Variants in TAF1D observed in about 807,000 individuals in gnomAD.
TAF1D encodes the protein TATA-box binding protein associated factor, RNA polymerase I subunit D.
TAF1D carries 23 observed loss-of-function variants against 26.2 expected under a neutral mutation model. The observed-to-expected ratio is 0.88, with a 90% CI of 0.63 to 1.25. The LOEUF (loss-of-function observed/expected upper bound fraction) is 1.25. TAF1D is among the 50% of genes most tolerant of loss of function. TAF1D has a pLI of 0.00. For synonymous variants in TAF1D, 100 were observed against 105.6 expected, an observed-to-expected ratio of 0.95 and a Z score of 0.33; for missense variants, 299 against 322.0, an observed-to-expected ratio of 0.93 and a Z score of 0.55.
At chr11:93,735,047 C>A (rs543142086), downstream of TAF1D, 11 of 1,276,128 alleles carry the variant, frequency 8.6e-6, no homozygotes, top group African/African-American at 1.5e-4. Flanking sequence ...ACCCATTGCA[C>A]CTGGCCTGGA....
At chr11:93,739,130 C>CTA in intron 2 of TAF1D, 107 bp downstream of exon 2, 1 of 838,028 alleles carries the variant, frequency 1.2e-6, no homozygotes, top group African/African-American at 1.7e-5. Context: ...TCAGTGAAAT[C>CTA]TAGTTTTCCT....
At chr11:93,733,726 C>T (rs1360520725), downstream of TAF1D, 1 of 387,906 alleles carries the variant, frequency 2.6e-6, no homozygotes, top group African/African-American at 2.1e-5. Context: ...GGCAGGATCA[C>T]ATCTCACTGT....
At position 93,735,798 on chromosome 11, in the gene TAF1D, C is replaced by G; in HGVS notation, c.*363G>C. 9.4e-7 allele frequency: 1 copy of G among 1,062,796 alleles called. No individual in the cohort carries two copies. Among genetic ancestry groups the G allele is most frequent in the Non-Finnish European group, 1.1e-6 (1 of 878,588 alleles). The allele number at this position is 1,062,796 out of a possible 1,614,324, so 65.8% of individuals were successfully genotyped here. On this transcript the variant is annotated 3_prime_UTR_variant, in exon 6 of 6. Transcript: ENST00000448108. ...AAAATTACAGCATTTCAAATCCCCT[C>G]TTCAAGATGGTTGGGTGTCAAGTTA... is the stretch of plus-strand genomic sequence containing the variant.
rs758705344 is a variant in TAF1D, at chr11:93,738,179, C to T, written c.389G>A (p.Gly130Glu). The T allele has an allele frequency of 2.3e-5, 36 of 1,578,180 alleles. No homozygotes were observed. The Admixed American group carries it at 7.1e-4, about 31-fold the overall frequency. ...TGATTCTAAAAATGGGAAGCCAGATCCTCTGCTTCTAAATTGTTTCTTCTT... is the reference window on the plus strand; with the variant it reads ...TGATTCTAAAAATGGGAAGCCAGATTCTCTGCTTCTAAATTGTTTCTTCTT... ...IDKKKQFRSR[G>E]SGFPFLESEN... is the part of the protein sequence containing the mutation. Residue 130 changes from glycine (G) to glutamate (E), a missense_variant, in exon 3 of 6, where the codon GGA (glycine) becomes GAA (glutamate). Transcript: ENST00000448108.
At chr11:93,735,523 T>A, downstream of TAF1D, 1 of 430,934 alleles carries the variant, frequency 2.3e-6, no homozygotes, top group Non-Finnish European at 3.1e-6. Context: ...AAACAAAAAC[T>A]AGCTGGGTGT....
chr11:93,736,177 CTCTG>C lies in TAF1D; in HGVS notation c.817_820del (p.Gln273GlufsTer3), dbSNP rs757163111. ...ATGATCCTGTCACATTTTCAGGCCT[CTCTG>C]TCCAGTATTTTTGGCTTTTGTAGCT... On this transcript the variant is annotated frameshift_variant, in exon 6 of 6. Transcript: ENST00000448108. LOFTEE classifies it high-confidence loss of function. The C allele has an allele frequency of 6.2e-6, 10 of 1,613,464 alleles. No individual in the cohort carries two copies. The highest frequency in any genetic ancestry group is 1.7e-5 in the Admixed American group (1 of 59,984).
chr11:93,735,271 T>C (rs1940509265), downstream of TAF1D: 5 of 1,305,130 alleles, frequency 3.8e-6, no homozygotes, highest in Non-Finnish European at 5.0e-6. Context: ...AGTAGTCAGC[T>C]CTATCGTGGT....
At chr11:93,732,290 C>A (rs765051302), downstream of TAF1D, 23 of 495,208 alleles carry the variant, frequency 4.6e-5, no homozygotes, top group Non-Finnish European at 8.4e-5. Context: ...CAATTTGACA[C>A]CCTGGAAAAA....
At chr11:93,737,319 GC>G (rs989589734) in intron 3 of TAF1D, 80 bp from the exon 4 acceptor site, 8 of 952,810 alleles carry the variant, frequency 8.4e-6, no homozygotes, top group African/African-American at 1.7e-5. Context: ...AAAGGGCAAT[GC>G]CCCCCCTTAG....
downstream of TAF1D, chr11:93,730,844 A>C: frequency 4.9e-6 from 2 of 410,548 alleles, no homozygotes; most frequent in Non-Finnish European, 4.7e-6. Context: ...GCAACCCACA[A>C]GGGTTACAAT....
At chr11:93,731,970 T>C (rs765254042), downstream of TAF1D, 1 of 500,036 alleles carries the variant, frequency 2.0e-6, no homozygotes, top group Non-Finnish European at 4.0e-6. Flanking sequence ...AAAGTCAACA[T>C]TTTTCTCCTA....
intron 1 of TAF1D, 66 bp from the exon 2 acceptor site, chr11:93,739,397 G>C (rs553161734): frequency 9.5e-6 from 10 of 1,050,764 alleles, no homozygotes; most frequent in Non-Finnish European, 1.4e-5. Context: ...CTACTACAGT[G>C]TTGAACGTGG....
At position 93,736,149 on chromosome 11, in the gene TAF1D, T is replaced by C. The variant is rs1371535847; in HGVS notation, c.*12A>G. On this transcript the variant is annotated 3_prime_UTR_variant, in exon 6 of 6. Transcript: ENST00000448108. ...TTTTCTATATGCTTCACCTTTGACA[T>C]TCATGATCCTGTCACATTTTCAGGC... 6.2e-7 allele frequency: 1 copy of C among 1,609,748 alleles called. No homozygotes were observed. Among genetic ancestry groups the C allele is most frequent in the Non-Finnish European group, 8.5e-7 (1 of 1,177,872 alleles).
chr11:93,735,790 A>AGC lies in TAF1D; in HGVS notation c.*370_*371insGC, dbSNP rs1940640560. On this transcript the variant is annotated 3_prime_UTR_variant, in exon 6 of 6. Coordinates refer to ENST00000448108, the MANE Select transcript of TAF1D (RefSeq NM_024116.4). ...GCTGGGATAAAATTACAGCATTTCA[A>AGC]ATCCCCTCTTCAAGATGGTTGGGTG... 9.5e-7 allele frequency: 1 copy of AGC among 1,054,984 alleles called. No homozygotes were observed. The highest frequency in any genetic ancestry group is 5.0e-5 in the Admixed American group (1 of 19,808). 65.4% of individuals were successfully genotyped at this position (1,054,984 alleles called of 1,614,324 possible).
chr11:93,733,929 C>G (rs972697888), downstream of TAF1D: 1 of 152,502 alleles, frequency 6.6e-6, no homozygotes, highest in Non-Finnish European at 1.5e-5. Flanking sequence ...CTTCCTACTA[C>G]GTTAATCACA....
chr11:93,733,307 CATT>C (rs762316436), downstream of TAF1D: 8 of 518,986 alleles, frequency 1.5e-5, no homozygotes, highest in Admixed American at 1.2e-4. Flanking sequence ...GAACTGTAAT[CATT>C]ATTTCCCAAA....
downstream of TAF1D, chr11:93,734,757 C>G: frequency 7.8e-7 from 1 of 1,283,792 alleles, no homozygotes; most frequent in Non-Finnish European, 1.0e-6. Context: ...TGCTGTTTAT[C>G]TATTCTACAG....
chr11:93,737,241 T>C lies in TAF1D; in HGVS notation c.460-2A>G. The C allele has an allele frequency of 1.3e-6, 2 of 1,596,232 alleles. No individual in the cohort carries two copies. The highest frequency in any genetic ancestry group is 1.7e-6 in the Non-Finnish European group (2 of 1,172,482). On this transcript the variant is annotated splice_acceptor_variant, in intron 3 of 5. Coordinates refer to ENST00000448108, the MANE Select transcript of TAF1D (RefSeq NM_024116.4). LOFTEE classifies it high-confidence loss of function. The stretch of plus-strand genomic sequence containing the variant: ...AAAAAATCCTCTTGCAACAGCTTGC[T>C]ATATATTAAAAACACCATAAGTATG...
intron 5 of TAF1D, 175 bp from the exon 6 acceptor site, chr11:93,736,479 G>T: frequency 5.6e-6 from 8 of 1,423,808 alleles, no homozygotes; most frequent in Non-Finnish European, 7.3e-6. Flanking sequence ...GCAATAATAT[G>T]TATCAGAATG....
Sources: gnomAD v4.1 joint callset for allele counts on GRCh38, gnomAD v4.1.1 for gene constraint, MANE v1.5 for transcripts, NCBI Gene and HGNC (gene_info 2026-07-23, HGNC 2026-07-21) for gene names.